The following MARCO variants were observed in gnomAD, a reference collection of about 807,000 sequenced individuals.
MARCO encodes the protein macrophage receptor with collagenous structure.
Under a neutral mutation model 70.0 loss-of-function variants are expected in MARCO, and 72 were observed. That is an observed-to-expected ratio of 1.03 (90% CI 0.85 to 1.25). The LOEUF (loss-of-function observed/expected upper bound fraction) is 1.25. Among genes scored for constraint, MARCO ranks in the 50% most tolerant of loss-of-function variants. The pLI is 0.00. For synonymous variants in MARCO, 273 were observed against 243.1 expected, an observed-to-expected ratio of 1.12 and a Z score of -1.14; for missense variants, 696 against 659.3, an observed-to-expected ratio of 1.06 and a Z score of -0.61.
chr2:118,992,272 C>T (rs897297131), intron 14 of MARCO, among the ~76,000 whole-genome samples, 160 bp from the exon 15 acceptor site: 3 of 152,176 alleles, frequency 2.0e-5, no homozygotes, highest in Non-Finnish European at 4.4e-5. Flanking sequence ...GTCATTGACA[C>T]CCGCAGGACA....
chr2:118,946,215 C>T (rs1679595461), intron 1 of MARCO, among the ~76,000 whole-genome samples: 1 of 152,158 alleles, frequency 6.6e-6, no homozygotes, highest in African/African-American at 2.4e-5. Flanking sequence ...AACCAGGAAA[C>T]TGATATTGGT....
At chr2:118,965,419 T>G (rs1220137909) in intron 1 of MARCO, among the ~76,000 whole-genome samples, 2 of 152,314 alleles carry the variant, frequency 1.3e-5, no homozygotes, top group East Asian at 3.9e-4. Flanking sequence ...TTTTATATGT[T>G]GTACTATTTT....
chr2:118,943,579 C>T (rs1327644864), intron 1 of MARCO, among the ~76,000 whole-genome samples: 1 of 152,152 alleles, frequency 6.6e-6, no homozygotes, highest in Non-Finnish European at 1.5e-5. Flanking sequence ...CTGAGACTTC[C>T]ACAGGACATG....
intron 1 of MARCO, 91 bp downstream of exon 1, chr2:118,942,488 A>G: frequency 9.3e-7 from 1 of 1,070,404 alleles, no homozygotes; most frequent in Non-Finnish European, 1.4e-6. Context: ...TAGAAAGTCT[A>G]GGTTTGGCTT....
At chr2:118,969,522 AC>A (rs1292211464) in intron 2 of MARCO, among the ~76,000 whole-genome samples, 2 of 152,216 alleles carry the variant, frequency 1.3e-5, no homozygotes, top group Admixed American at 6.5e-5. Context: ...GCAGTGAAAG[AC>A]ATCATAATTT....
chr2:118,942,727 T>C (rs114358741), intron 1 of MARCO, among the ~76,000 whole-genome samples: 294 of 152,290 alleles, frequency 1.9e-3, no homozygotes, highest in African/African-American at 6.9e-3. Flanking sequence ...GGTTGGGTGA[T>C]ACAATGAAAA....
chr2:118,966,785 A>C (rs556895437), intron 1 of MARCO, among the ~76,000 whole-genome samples: 3 of 152,168 alleles, frequency 2.0e-5, no homozygotes, highest in African/African-American at 7.2e-5. Context: ...TGTTTGTTTC[A>C]TAAAATTTAG....
chr2:118,978,624 C>G (rs112913542), intron 8 of MARCO, among the ~76,000 whole-genome samples: 67 of 152,352 alleles, frequency 4.4e-4, no homozygotes, highest in African/African-American at 1.4e-3. Flanking sequence ...TCTGCACCTG[C>G]TCCCCTGTGT....
chr2:118,976,263 C>A (rs1287833319), intron 6 of MARCO, among the ~76,000 whole-genome samples: 2 of 152,160 alleles, frequency 1.3e-5, no homozygotes, highest in Non-Finnish European at 2.9e-5. Flanking sequence ...CATCTGGAAC[C>A]CACATACATG....
At chr2:118,949,377 A>G (rs1399139224) in intron 1 of MARCO, 2 of 152,166 alleles carry the variant, frequency 1.3e-5, no homozygotes, top group African/African-American at 4.8e-5. Flanking sequence ...TTCAATGGCT[A>G]TGGTTTGCCA....
intron 16 of MARCO, among the ~76,000 whole-genome samples, 167 bp from the exon 17 acceptor site, chr2:118,994,220 C>T (rs182178169): frequency 1.2e-4 from 17 of 141,532 alleles, no homozygotes; most frequent in African/African-American, 4.4e-4. Flanking sequence ...ACAACAACAA[C>T]AAAAACAGGC....
rs1322241566 is a variant in MARCO at position 118,961,201 on chromosome 2, C to T, written c.98-7959C>T. Among the ~76,000 whole-genome samples, 4 of 152,072 alleles carry T rather than the reference C, an allele frequency of 2.6e-5. No individual in the cohort carries two copies. In the East Asian group the frequency reaches 7.7e-4, roughly 29 times the overall value. ...TGTGAAGAGTGCTGCAATGAACATACATGTGCCATATATCTTTATAATAGA... is the reference window on the plus strand; with the variant it reads ...TGTGAAGAGTGCTGCAATGAACATATATGTGCCATATATCTTTATAATAGA... On this transcript the variant is annotated intron_variant, in intron 1 of 16. Transcript: ENST00000327097.
chr2:118,974,021 A>C (rs2104584169), intron 4 of MARCO, among the ~76,000 whole-genome samples: 1 of 152,296 alleles, frequency 6.6e-6, no homozygotes, highest in Middle Eastern at 3.4e-3. Flanking sequence ...CTGTGTAATT[A>C]GTACACTAAT....
At chr2:118,961,220 T>C (rs115592969) in intron 1 of MARCO, among the ~76,000 whole-genome samples, 1,693 of 152,266 alleles carry the variant, frequency 0.011, 23 homozygotes, top group African/African-American at 0.037. Flanking sequence ...TATATCTTTA[T>C]AATAGAATGG....
At chr2:118,994,212 A>G (rs968761590) in intron 16 of MARCO, among the ~76,000 whole-genome samples, 175 bp from the exon 17 acceptor site, 1 of 152,112 alleles carries the variant, frequency 6.6e-6, no homozygotes, top group Non-Finnish European at 1.5e-5. Context: ...CAACAACAAC[A>G]ACAACAACAA....
chr2:118,992,803 TTTCC>T (rs1220638540), intron 15 of MARCO, among the ~76,000 whole-genome samples: 1 of 151,296 alleles, frequency 6.6e-6, no homozygotes, highest in East Asian at 2.0e-4. Context: ...CTCTCCATTC[TTTCC>T]TTCCTTCCTT....
At chr2:118,957,649 T>C (rs1195537644) in intron 1 of MARCO, among the ~76,000 whole-genome samples, 1 of 151,990 alleles carries the variant, frequency 6.6e-6, no homozygotes, top group Non-Finnish European at 1.5e-5. Context: ...CCCTCCCTAA[T>C]TCATTCTATG....
At chr2:118,947,821 T>C (rs1335366313) in intron 1 of MARCO, among the ~76,000 whole-genome samples, 1 of 152,174 alleles carries the variant, frequency 6.6e-6, no homozygotes, top group East Asian at 1.9e-4. Context: ...TATTCTAGGG[T>C]TTTTGCCTTT....
chr2:118,961,071 A>T (rs1288499726), intron 1 of MARCO, among the ~76,000 whole-genome samples: 1 of 152,138 alleles, frequency 6.6e-6, no homozygotes, highest in Non-Finnish European at 1.5e-5. Flanking sequence ...ACACGATCTC[A>T]TTCCTTTTCA....
Sources: gnomAD v4.1 joint callset for allele counts (sites outside exome capture counted in the v4.1 genomes callset) on GRCh38, gnomAD v4.1.1 for gene constraint, MANE v1.5 for transcripts, NCBI Gene and HGNC (gene_info 2026-07-23, HGNC 2026-07-21) for gene names.